Variants in TAOK1 observed in about 807,000 individuals in gnomAD.
TAOK1 encodes serine/threonine-protein kinase TAO1.
TAOK1 carries 21 observed loss-of-function variants against 138.3 expected under a neutral mutation model. The ratio of observed to expected loss-of-function variants is 0.15; its 90% CI spans 0.11 to 0.22. The LOEUF is 0.22. Ranked by LOEUF, TAOK1 falls within the 10% of genes least tolerant of loss-of-function variation. The pLI, the probability that TAOK1 is intolerant of heterozygous loss-of-function variation, is 1.00. For synonymous variants in TAOK1, 361 were observed against 398.4 expected, an observed-to-expected ratio of 0.91 and a Z score of 1.12; for missense variants, 651 against 1,227.7, an observed-to-expected ratio of 0.53 and a Z score of 7.02.
chr17:29,401,454 C>T (rs112919117), intron 1 of TAOK1, among the ~76,000 whole-genome samples: 11 of 152,080 alleles, frequency 7.2e-5, no homozygotes, highest in South Asian at 6.2e-4. Context: ...GACACGCAAG[C>T]GAGTGAAGGG....
chr17:29,459,495 C>T (rs1287618795), intron 2 of TAOK1, among the ~76,000 whole-genome samples: 1 of 152,050 alleles, frequency 6.6e-6, no homozygotes, highest in East Asian at 1.9e-4. Context: ...CCATGTTGGC[C>T]AGGCTGGTCT....
chr17:29,498,340 G>T lies in TAOK1; in HGVS notation c.1022G>T (p.Arg341Leu). The change falls in exon 12 of 20, where the codon CGG becomes CTG. Residue 341 changes from arginine to leucine, a missense_variant. Arg to Leu is a moderately radical substitution (Grantham distance 102). This residue lies in a region of TAOK1 where 104 missense variants were observed against 151.7 expected (regional missense o/e 0.69). Coordinates refer to ENST00000261716, the MANE Select transcript of TAOK1 (RefSeq NM_020791.4). Reference protein sequence around the residue: ...EEEEQDHGVGRTGTVNSVGSN... With the variant: ...EEEEQDHGVGLTGTVNSVGSN... ...TAGGAACAAGATCATGGTGTTGGCC[G>T]GACAGGAACAGTTAATAGTGTTGGA... The T allele has an allele frequency of 1.2e-6, 2 of 1,614,072 alleles. No homozygotes were observed. The highest frequency in any genetic ancestry group is 1.7e-6 in the Non-Finnish European group (2 of 1,179,994).
intron 17 of TAOK1, among the ~76,000 whole-genome samples, chr17:29,525,270 G>T (rs1471934784): frequency 1.3e-5 from 2 of 151,842 alleles, no homozygotes; most frequent in Non-Finnish European, 2.9e-5. Context: ...ACACCACCAC[G>T]CCCGGCTAAT....
At chr17:29,447,275 T>C (rs1027934628) in intron 1 of TAOK1, among the ~76,000 whole-genome samples, 6 of 152,102 alleles carry the variant, frequency 3.9e-5, no homozygotes, top group Non-Finnish European at 7.4e-5. Context: ...CTTCTCTGTT[T>C]TTCAAAACTC....
At chr17:29,480,627 G>A in intron 7 of TAOK1, 146 bp downstream of exon 7, 2 of 608,828 alleles carry the variant, frequency 3.3e-6, no homozygotes, top group Non-Finnish European at 5.4e-6. Context: ...CCAGAACTTT[G>A]GGAGGCCGAG....
intron 15 of TAOK1, 54 bp downstream of exon 15, chr17:29,511,046 A>G: frequency 6.7e-7 from 1 of 1,503,508 alleles, no homozygotes; most frequent in African/African-American, 1.4e-5. Context: ...AATTATATCC[A>G]ATGGTGACCA....
At chr17:29,432,778 T>A (rs1282341729) in intron 1 of TAOK1, among the ~76,000 whole-genome samples, 1 of 100,982 alleles carries the variant, frequency 9.9e-6, no homozygotes, top group Non-Finnish European at 2.3e-5. Flanking sequence ...CCTGTCCAAA[T>A]TTTTTTTTTT....
chr17:29,412,087 G>T (rs1306588654), intron 1 of TAOK1, among the ~76,000 whole-genome samples: 1 of 151,204 alleles, frequency 6.6e-6, no homozygotes, highest in Non-Finnish European at 1.5e-5. Flanking sequence ...CTGTCACCCA[G>T]GCTGGAGTGC....
At chr17:29,462,949 C>T (rs551215952) in intron 2 of TAOK1, among the ~76,000 whole-genome samples, 46 of 152,010 alleles carry the variant, frequency 3.0e-4, no homozygotes, top group Admixed American at 1.4e-3. Flanking sequence ...GTATTGTGTT[C>T]TTTGTTAGTT....
chr17:29,541,050 C>G (rs1427764841), intron 19 of TAOK1, among the ~76,000 whole-genome samples: 1 of 150,940 alleles, frequency 6.6e-6, no homozygotes. Flanking sequence ...ATATCTTAAC[C>G]CATTCTATTG....
intron 2 of TAOK1, among the ~76,000 whole-genome samples, chr17:29,452,439 C>T (rs1244913883): frequency 6.6e-6 from 1 of 151,886 alleles, no homozygotes; most frequent in Non-Finnish European, 1.5e-5. Context: ...TTGTGGAGGT[C>T]TAGGATTATT....
intron 1 of TAOK1, among the ~76,000 whole-genome samples, chr17:29,440,086 A>G (rs2029894674): frequency 6.6e-6 from 1 of 152,094 alleles, no homozygotes; most frequent in Non-Finnish European, 1.5e-5. Flanking sequence ...TTGAGCTATG[A>G]TATTAAACTT....
chr17:29,390,929 T>A lies in TAOK1; in HGVS notation c.-190T>A, dbSNP rs891017428. ...GGCGGCGATCTGTCGCCGGGCCCCC[T>A]CCTCCTCCTCACTCCTCACCCTCCA... On this transcript the variant is annotated 5_prime_UTR_variant, in exon 1 of 20. Coordinates refer to ENST00000261716, the MANE Select transcript of TAOK1 (RefSeq NM_020791.4). 1 of 150,468 alleles carries A rather than the reference T, an allele frequency of 6.6e-6. No homozygotes were observed. Among genetic ancestry groups the A allele is most frequent in the Non-Finnish European group, 1.5e-5 (1 of 67,840 alleles). The allele number at this position is 150,468 out of a possible 1,614,324, so 9.3% of individuals were successfully genotyped here.
intron 11 of TAOK1, among the ~76,000 whole-genome samples, chr17:29,496,605 A>C (rs1383898926): frequency 1.9e-5 from 1 of 52,234 alleles, no homozygotes; most frequent in Non-Finnish European, 3.4e-5. Context: ...TTTTTTTTTT[A>C]AAGACAGGGT....
chr17:29,477,067 A>C (rs2030960921), intron 4 of TAOK1, among the ~76,000 whole-genome samples: 1 of 152,020 alleles, frequency 6.6e-6, no homozygotes, highest in Non-Finnish European at 1.5e-5. Flanking sequence ...GGATGGTCTC[A>C]ATCTCCTAAC....
chr17:29,394,673 GTTAC>G (rs1904543350), intron 1 of TAOK1, among the ~76,000 whole-genome samples: 1 of 152,096 alleles, frequency 6.6e-6, no homozygotes, highest in Non-Finnish European at 1.5e-5. Flanking sequence ...ACTAGTCTCT[GTTAC>G]TTATAACAAT....
intron 6 of TAOK1, among the ~76,000 whole-genome samples, chr17:29,479,622 A>AT (rs1377506325): frequency 1.3e-5 from 2 of 152,176 alleles, no homozygotes. Context: ...GGAAAAATAG[A>AT]TTCACTTCGT....
intron 10 of TAOK1, among the ~76,000 whole-genome samples, chr17:29,494,354 T>A (rs865980230): frequency 2.4e-4 from 37 of 151,488 alleles, no homozygotes; most frequent in South Asian, 1.7e-3. Context: ...CCCCAAAAAA[T>A]AAAAATTAGC....
intron 19 of TAOK1, among the ~76,000 whole-genome samples, chr17:29,539,087 G>A (rs992151149): frequency 5.9e-5 from 9 of 151,808 alleles, no homozygotes; most frequent in South Asian, 4.2e-4. Context: ...ATGAAACCCC[G>A]TCTCTACAAA....
Sources: allele counts gnomAD v4.1 joint callset (sites outside exome capture counted in the v4.1 genomes callset), GRCh38; gene constraint gnomAD v4.1.1; regional missense constraint gnomAD v4.1.1; transcripts MANE v1.5; gene names NCBI Gene and HGNC (gene_info 2026-07-23, HGNC 2026-07-21).